CNBD1: variants seen among roughly 807,000 people sequenced by gnomAD.
CNBD1 encodes the protein cyclic nucleotide-binding domain-containing protein 1.
Under a neutral mutation model 54.4 loss-of-function variants are expected in CNBD1, and 71 were observed. The observed-to-expected ratio is 1.30, with a 90% CI of 1.08 to 1.59. The LOEUF is 1.59. Ranked by LOEUF, CNBD1 falls within the 40% of genes most tolerant of loss-of-function variation. The probability of loss-of-function intolerance (pLI) is 0.00; values close to 1 mark genes in which losing one functional copy is unlikely to be tolerated. For synonymous variants in CNBD1, 182 were observed against 170.7 expected, an observed-to-expected ratio of 1.07 and a Z score of -0.51; for missense variants, 659 against 518.0, an observed-to-expected ratio of 1.27 and a Z score of -2.64.
intron 4 of CNBD1, among the ~76,000 whole-genome samples, chr8:86,955,821 G>C (rs1489747687): frequency 1.3e-5 from 2 of 152,182 alleles, no homozygotes; most frequent in Non-Finnish European, 2.9e-5. Flanking sequence ...CTGTGCAGAA[G>C]CTCTTTAGTT....
At chr8:87,338,137 A>G (rs946030195) in intron 8 of CNBD1, among the ~76,000 whole-genome samples, 2 of 152,192 alleles carry the variant, frequency 1.3e-5, no homozygotes, top group Non-Finnish European at 2.9e-5. Context: ...AAATAATACT[A>G]TACCACTTCA....
intron 5 of CNBD1, among the ~76,000 whole-genome samples, chr8:87,209,039 T>A (rs1814036288): frequency 6.6e-6 from 1 of 152,066 alleles, no homozygotes; most frequent in Non-Finnish European, 1.5e-5. Context: ...TAGACATCAA[T>A]TAACCATAAT....
At chr8:86,901,977 A>C (rs1322889251) in intron 2 of CNBD1, among the ~76,000 whole-genome samples, 3 of 152,190 alleles carry the variant, frequency 2.0e-5, no homozygotes, top group African/African-American at 7.2e-5. Flanking sequence ...CCTTAATCTT[A>C]GAGCAAGACA....
chr8:87,071,907 G>C (rs1810767015), intron 4 of CNBD1, among the ~76,000 whole-genome samples: 1 of 151,984 alleles, frequency 6.6e-6, no homozygotes, highest in East Asian at 1.9e-4. Flanking sequence ...ATTGTCAGTG[G>C]GGTATTAAAA....
At chr8:86,899,932 C>G (rs916063621) in intron 2 of CNBD1, among the ~76,000 whole-genome samples, 10 of 152,118 alleles carry the variant, frequency 6.6e-5, no homozygotes, top group Non-Finnish European at 1.5e-4. Flanking sequence ...CATGCTCCTT[C>G]GTATCAGTGA....
intron 4 of CNBD1, among the ~76,000 whole-genome samples, chr8:87,087,908 T>A (rs2130675317): frequency 6.6e-6 from 1 of 152,252 alleles, no homozygotes; most frequent in Middle Eastern, 3.4e-3. Flanking sequence ...GGTCAGCAGG[T>A]GGTGAATCCT....
At chr8:87,084,419 TTTC>T (rs1250830594) in intron 4 of CNBD1, among the ~76,000 whole-genome samples, 1 of 152,206 alleles carries the variant, frequency 6.6e-6, no homozygotes, top group Non-Finnish European at 1.5e-5. Context: ...TTAACCTTTG[TTTC>T]TTCTTTGCTT....
At chr8:86,872,662 G>T (rs1378825676) in intron 1 of CNBD1, among the ~76,000 whole-genome samples, 2 of 152,042 alleles carry the variant, frequency 1.3e-5, no homozygotes, top group Non-Finnish European at 2.9e-5. Context: ...GATTTAATTT[G>T]TATTTCCCTG....
chr8:87,317,341 G>A (rs1353787950), intron 8 of CNBD1, among the ~76,000 whole-genome samples: 1 of 151,054 alleles, frequency 6.6e-6, no homozygotes, highest in Non-Finnish European at 1.5e-5. Context: ...TCTAAGTACT[G>A]CTTTTGATGT....
At chr8:87,267,034 T>A (rs1808272466) in intron 6 of CNBD1, among the ~76,000 whole-genome samples, 1 of 152,136 alleles carries the variant, frequency 6.6e-6, no homozygotes, top group Non-Finnish European at 1.5e-5. Context: ...TCAGCAGCCA[T>A]TTGTTCATCC....
intron 4 of CNBD1, among the ~76,000 whole-genome samples, chr8:87,068,002 C>T (rs1449659419): frequency 5.9e-5 from 9 of 152,022 alleles, no homozygotes; most frequent in African/African-American, 1.7e-4. Flanking sequence ...AACAGGCACA[C>T]TTAATCTCCT....
chr8:86,901,661 G>A (rs1193520703), intron 2 of CNBD1, among the ~76,000 whole-genome samples: 1 of 152,130 alleles, frequency 6.6e-6, no homozygotes, highest in Non-Finnish European at 1.5e-5. Flanking sequence ...AGGAACTCAG[G>A]CCTCTACCAA....
intron 8 of CNBD1, among the ~76,000 whole-genome samples, chr8:87,314,006 C>T (rs1809329294): frequency 6.6e-6 from 1 of 151,856 alleles, no homozygotes; most frequent in African/African-American, 2.4e-5. Context: ...TTGGAGAGAT[C>T]CCTCCAGAGT....
intron 4 of CNBD1, among the ~76,000 whole-genome samples, chr8:87,014,883 T>C (rs1394378115): frequency 6.6e-6 from 1 of 152,026 alleles, no homozygotes; most frequent in African/African-American, 2.4e-5. Context: ...AGAAAAATTA[T>C]TTTATACAAA....
chr8:86,897,197 A>G (rs1808859076), intron 2 of CNBD1, among the ~76,000 whole-genome samples: 1 of 152,210 alleles, frequency 6.6e-6, no homozygotes, highest in African/African-American at 2.4e-5. Context: ...TCACATTTTC[A>G]TTTTGCACTG....
At chr8:87,358,501 C>T (rs1426580905) in intron 10 of CNBD1, among the ~76,000 whole-genome samples, 1 of 151,754 alleles carries the variant, frequency 6.6e-6, no homozygotes, top group East Asian at 1.9e-4. Context: ...TGGTGCAAGG[C>T]AAATACACTG....
intron 6 of CNBD1, among the ~76,000 whole-genome samples, chr8:87,249,505 G>T (rs1429509388): frequency 3.3e-5 from 5 of 152,034 alleles, no homozygotes; most frequent in Admixed American, 6.6e-5. Context: ...TCCACAAAAT[G>T]CACAGAAGGC....
intron 5 of CNBD1, among the ~76,000 whole-genome samples, chr8:87,228,838 G>C (rs1463784209): frequency 1.3e-5 from 2 of 152,168 alleles, no homozygotes; most frequent in African/African-American, 4.8e-5. Context: ...CCCTCCTCCA[G>C]CCTCGCTGCT....
intron 6 of CNBD1, among the ~76,000 whole-genome samples, chr8:87,247,718 G>T (rs1189816993): frequency 6.6e-6 from 1 of 152,154 alleles, no homozygotes; most frequent in African/African-American, 2.4e-5. Context: ...CTGTATGTAA[G>T]AGAAGACGTG....
Sources: allele counts gnomAD v4.1 joint callset (sites outside exome capture counted in the v4.1 genomes callset), GRCh38; gene constraint gnomAD v4.1.1; transcripts MANE v1.5; gene names NCBI Gene and HGNC (gene_info 2026-07-23, HGNC 2026-07-21).